Variants in FARS2 observed in about 807,000 individuals in gnomAD.
The protein encoded by FARS2 is phenylalanine--tRNA ligase, mitochondrial.
FARS2 carries 40 observed loss-of-function variants against 46.4 expected under a neutral mutation model. That is an observed-to-expected ratio of 0.86 (90% CI 0.67 to 1.12). The LOEUF is 1.12. Ranked by LOEUF, FARS2 falls within the 50% of genes most tolerant of loss-of-function variation. FARS2 has a pLI of 0.00. For missense variants in FARS2, 513 were observed against 567.9 expected (o/e 0.90, Z 0.98); for synonymous variants, 234 against 214.9 (o/e 1.09, Z -0.78).
chr6:5,664,014 C>A (rs562682141), intron 6 of FARS2, among the ~76,000 whole-genome samples: 40 of 152,374 alleles, frequency 2.6e-4, no homozygotes, highest in Non-Finnish European at 4.4e-4. Flanking sequence ...TGTGGCCCCC[C>A]TGGCCTCCTC....
chr6:5,397,295 G>A (rs995136601), intron 2 of FARS2, among the ~76,000 whole-genome samples: 8 of 152,278 alleles, frequency 5.3e-5, no homozygotes, highest in Admixed American at 2.6e-4. Flanking sequence ...GGGCCAGTGC[G>A]GAGACAGTGA....
At chr6:5,726,463 C>A (rs998347560) in intron 6 of FARS2, among the ~76,000 whole-genome samples, 1 of 152,128 alleles carries the variant, frequency 6.6e-6, no homozygotes, top group African/African-American at 2.4e-5. Context: ...ATGGTCCTCA[C>A]GATGTAAAAA....
At chr6:5,416,960 G>A (rs945864788) in intron 3 of FARS2, among the ~76,000 whole-genome samples, 1 of 152,090 alleles carries the variant, frequency 6.6e-6, no homozygotes, top group Non-Finnish European at 1.5e-5. Context: ...CGTTATGATT[G>A]TTTTTGCTTT....
At chr6:5,385,470 G>A (rs776747493) in intron 2 of FARS2, among the ~76,000 whole-genome samples, 2 of 150,484 alleles carry the variant, frequency 1.3e-5, no homozygotes, top group Non-Finnish European at 3.0e-5. Context: ...TCACCAGGCT[G>A]GAATGCAGTG....
chr6:5,583,490 A>T (rs1396597052), intron 5 of FARS2, among the ~76,000 whole-genome samples: 1 of 152,226 alleles, frequency 6.6e-6, no homozygotes, highest in Non-Finnish European at 1.5e-5. Context: ...CCAGAGAAAC[A>T]TGGCTGCCAT....
intron 1 of FARS2, among the ~76,000 whole-genome samples, chr6:5,306,637 C>T (rs1467768369): frequency 6.6e-6 from 1 of 152,186 alleles, no homozygotes; most frequent in East Asian, 1.9e-4. Flanking sequence ...AGCCCCTTCA[C>T]ATTCCCAGTG....
intron 6 of FARS2, among the ~76,000 whole-genome samples, chr6:5,623,651 GCAGTGAGCTTAGAT>G (rs1175213006): frequency 1.3e-5 from 2 of 151,972 alleles, no homozygotes; most frequent in Non-Finnish European, 2.9e-5. Context: ...GGCGGAGGTC[GCAGTGAGCTTAGAT>G]CATGCCACTA....
intron 1 of FARS2, among the ~76,000 whole-genome samples, chr6:5,294,607 T>C (rs1440718614): frequency 6.6e-6 from 1 of 152,236 alleles, no homozygotes; most frequent in Non-Finnish European, 1.5e-5. Context: ...AACTTCTGAC[T>C]GATGACTTCC....
At chr6:5,265,687 G>A (rs560951156) in intron 1 of FARS2, among the ~76,000 whole-genome samples, 1 of 152,316 alleles carries the variant, frequency 6.6e-6, no homozygotes, top group African/African-American at 2.4e-5. Flanking sequence ...TTTTCCAGAA[G>A]TTTATACTTT....
chr6:5,264,464 AC>A (rs1765404749), intron 1 of FARS2, among the ~76,000 whole-genome samples: 1 of 151,802 alleles, frequency 6.6e-6, no homozygotes, highest in Non-Finnish European at 1.5e-5. Flanking sequence ...CTTCCTAAGT[AC>A]TATAGGTTAT....
chr6:5,510,738 C>A (rs1768400536), intron 4 of FARS2, among the ~76,000 whole-genome samples: 1 of 152,200 alleles, frequency 6.6e-6, no homozygotes, highest in Non-Finnish European at 1.5e-5. Context: ...AACGGGTTCC[C>A]AGCCTTGTGT....
intron 1 of FARS2, among the ~76,000 whole-genome samples, chr6:5,315,712 A>ATT: frequency 2.4e-5 from 1 of 41,498 alleles, no homozygotes; most frequent in East Asian, 1.6e-3. Context: ...GCGTATATTG[A>ATT]TTTCTCTTTC....
rs139096219 is a variant in FARS2, at chr6:5,434,267, A to G, written c.904+3095A>G. Reference sequence around the variant, plus strand: ...GCTGGGATTACATGCACCCTCCACCACACCTGGCTAATTTTTGTATTTTTA... The same window carrying G: ...GCTGGGATTACATGCACCCTCCACCGCACCTGGCTAATTTTTGTATTTTTA... On this transcript the variant is annotated intron_variant, in intron 4 of 6. Transcript: ENST00000274680. Among the ~76,000 whole-genome samples the G allele has an allele frequency of 1.3e-3, 196 of 152,170 alleles. 1 individual carries two copies. The highest frequency in any genetic ancestry group is 3.4e-3 in the Middle Eastern group (1 of 294).
At chr6:5,381,715 G>A (rs1759806759) in intron 2 of FARS2, among the ~76,000 whole-genome samples, 1 of 152,228 alleles carries the variant, frequency 6.6e-6, no homozygotes, top group South Asian at 2.1e-4. Context: ...ACGGAAGTTA[G>A]GGTTAAGTTA....
At chr6:5,383,059 C>T (rs563989796) in intron 2 of FARS2, among the ~76,000 whole-genome samples, 123 of 152,342 alleles carry the variant, frequency 8.1e-4, no homozygotes, top group African/African-American at 2.7e-3. Flanking sequence ...CTCACAGACA[C>T]ATCCAGTAAT....
intron 4 of FARS2, among the ~76,000 whole-genome samples, chr6:5,515,390 GT>G (rs1768724905): frequency 1.3e-5 from 2 of 152,126 alleles, no homozygotes; most frequent in South Asian, 4.2e-4. Context: ...TTTAGAAAAA[GT>G]AGTGCTTGAA....
chr6:5,281,629 A>G (rs1365565649), intron 1 of FARS2, among the ~76,000 whole-genome samples: 1 of 101,902 alleles, frequency 9.8e-6, no homozygotes, highest in Non-Finnish European at 2.5e-5. Flanking sequence ...CCATTCTCCC[A>G]CCCCCCCTGC....
At chr6:5,687,995 T>G (rs940326757) in intron 6 of FARS2, among the ~76,000 whole-genome samples, 2 of 152,232 alleles carry the variant, frequency 1.3e-5, no homozygotes, top group African/African-American at 4.8e-5. Context: ...GATTTGGCTC[T>G]CTGTTTGTCT....
chr6:5,380,372 T>G (rs1481337058), intron 2 of FARS2, among the ~76,000 whole-genome samples: 1 of 152,218 alleles, frequency 6.6e-6, no homozygotes, highest in Non-Finnish European at 1.5e-5. Flanking sequence ...AGACGGTGTT[T>G]TTTTCTACTA....
Sources: allele counts gnomAD v4.1 joint callset (sites outside exome capture counted in the v4.1 genomes callset), GRCh38; gene constraint gnomAD v4.1.1; transcripts MANE v1.5; gene names NCBI Gene and HGNC (gene_info 2026-07-23, HGNC 2026-07-21).